PC: variants seen among roughly 807,000 people sequenced by gnomAD.
PC encodes pyruvate carboxylase.
Under a neutral mutation model 107.8 loss-of-function variants are expected in PC, and 46 were observed. That is an observed-to-expected ratio of 0.43 (90% CI 0.34 to 0.55). PC has a LOEUF of 0.55. PC is among the 20% of genes least tolerant of loss of function. The pLI, the probability that PC is intolerant of heterozygous loss-of-function variation, is 0.04. For synonymous variants in PC, 662 were observed against 684.7 expected, an observed-to-expected ratio of 0.97 and a Z score of 0.52; for missense variants, 1,241 against 1,643.1, an observed-to-expected ratio of 0.76 and a Z score of 4.23.
chr11:66,883,095 C>T (rs1200186567), intron 3 of PC, among the ~76,000 whole-genome samples: 2 of 152,192 alleles, frequency 1.3e-5, no homozygotes, highest in African/African-American at 2.4e-5. Flanking sequence ...ACTGCGGCGA[C>T]GAACAGCAGT....
At chr11:66,915,847 A>C (rs1366699018) in intron 3 of PC, among the ~76,000 whole-genome samples, 1 of 152,156 alleles carries the variant, frequency 6.6e-6, no homozygotes, top group Non-Finnish European at 1.5e-5. Context: ...GAGGCCCCAG[A>C]TTTGGTTCTG....
intron 12 of PC, among the ~76,000 whole-genome samples, chr11:66,855,275 A>C (rs1412249106): frequency 6.6e-5 from 10 of 152,228 alleles, no homozygotes; most frequent in Admixed American, 6.5e-4. Flanking sequence ...GGCTCCCAGC[A>C]CTGGGTGGCC....
At chr11:66,926,984 C>T (rs1948732272) in intron 3 of PC, among the ~76,000 whole-genome samples, 1 of 150,596 alleles carries the variant, frequency 6.6e-6, no homozygotes. Flanking sequence ...TTGTTTCCAC[C>T]TTTTGGCTCT....
chr11:66,935,026 TTCCCTC>T (rs1449998795), intron 3 of PC, among the ~76,000 whole-genome samples: 1 of 152,178 alleles, frequency 6.6e-6, no homozygotes, highest in Non-Finnish European at 1.5e-5. Flanking sequence ...AGCACGTGCA[TTCCCTC>T]TCTCCCAACC....
chr11:66,892,721 C>G (rs1947621545), intron 3 of PC, among the ~76,000 whole-genome samples: 1 of 152,008 alleles, frequency 6.6e-6, no homozygotes, highest in African/African-American at 2.4e-5. Context: ...GTGGCGGGCG[C>G]CTATAATCCC....
intron 3 of PC, among the ~76,000 whole-genome samples, chr11:66,877,354 C>T (rs535379329): frequency 3.3e-5 from 5 of 152,226 alleles, no homozygotes; most frequent in Non-Finnish European, 7.4e-5. Flanking sequence ...CCATTGCATT[C>T]CAGCCTGGGT....
intron 12 of PC, among the ~76,000 whole-genome samples, chr11:66,859,309 T>C (rs533195462): frequency 6.6e-6 from 1 of 152,196 alleles, no homozygotes; most frequent in South Asian, 2.1e-4. Flanking sequence ...CACCCCGAGA[T>C]GTCCCAGGTG....
chr11:66,868,120 G>A (rs932328017), intron 10 of PC, among the ~76,000 whole-genome samples: 2 of 152,242 alleles, frequency 1.3e-5, no homozygotes, highest in Admixed American at 6.5e-5. Flanking sequence ...GGGCTGTTCC[G>A]AGGGATGCTA....
At position 66,858,122 on chromosome 11, in the gene PC, C is replaced by T. The variant is rs539277004; in HGVS notation, c.1369-4739G>A. On this transcript the variant is annotated intron_variant, in intron 12 of 22. Coordinates refer to ENST00000393960, the MANE Select transcript of PC (RefSeq NM_001040716.2). The surrounding 1 kb of genome is among the most constrained non-coding windows in gnomAD (Gnocchi z 5.9). ...GCCCCGTCAATCTGCAGCACCTCAT[C>T]CTCAGCGGCAACCAGCTGGGCCGCA... The T allele has an allele frequency of 1.8e-5, 29 of 1,610,766 alleles. No individual in the cohort carries two copies. The South Asian group carries it at 2.9e-4, about 16-fold the overall frequency.
intron 3 of PC, among the ~76,000 whole-genome samples, chr11:66,947,613 C>A (rs1463304706): frequency 1.3e-5 from 2 of 151,298 alleles, no homozygotes; most frequent in Non-Finnish European, 2.9e-5. Flanking sequence ...GTAACCCCAG[C>A]ACTTTGGGAG....
chr11:66,927,923 T>C (rs1948758243), intron 3 of PC, among the ~76,000 whole-genome samples: 1 of 152,078 alleles, frequency 6.6e-6, no homozygotes, highest in African/African-American at 2.4e-5. Flanking sequence ...GAAATTTACA[T>C]GAAGAGACAG....
chr11:66,877,568 C>T (rs1947029318), intron 3 of PC, among the ~76,000 whole-genome samples: 1 of 152,296 alleles, frequency 6.6e-6, no homozygotes, highest in East Asian at 1.9e-4. Context: ...GCGGGTTATG[C>T]CCCTGAGCCC....
At chr11:66,913,199 C>G (rs777047395) in intron 3 of PC, among the ~76,000 whole-genome samples, 1 of 151,960 alleles carries the variant, frequency 6.6e-6, no homozygotes, top group Non-Finnish European at 1.5e-5. Context: ...GGCCCTTATG[C>G]TCTTTTCTGG....
At chr11:66,933,399 C>A (rs1948912938) in intron 3 of PC, among the ~76,000 whole-genome samples, 1 of 152,172 alleles carries the variant, frequency 6.6e-6, no homozygotes, top group Non-Finnish European at 1.5e-5. Flanking sequence ...TTGCTCTGGT[C>A]TCAAGCTATC....
chr11:66,885,742 C>A (rs988103276), intron 3 of PC, among the ~76,000 whole-genome samples: 1 of 143,926 alleles, frequency 6.9e-6, no homozygotes. Context: ...CAGGCAGGAC[C>A]CTCCCAGAGC....
Position 66,849,296 on chromosome 11 carries a change from C to T in PC, c.3222G>A (p.Arg1074=). 6.2e-7 allele frequency: 1 copy of T among 1,613,694 alleles called. No homozygotes were observed. The highest frequency in any genetic ancestry group is 1.1e-5 in the South Asian group (1 of 91,088). The change falls in exon 22 of 23, where the codon AGG becomes AGA. Residue 1074 remains arginine, a synonymous_variant. Transcript: ENST00000393960. Reference sequence around the variant, plus strand: ...GCCCATTGAGCTCAAAGAAGACCTGCCTCTGGCCGGCCCGGTTCAGGTCGC... The same window carrying T: ...GCCCATTGAGCTCAAAGAAGACCTGTCTCTGGCCGGCCCGGTTCAGGTCGC... The part of the protein sequence containing the change: ...AVSDLNRAGQ[R]QVFFELNGQL...
chr11:66,872,698 G>C (rs896660335), intron 3 of PC, among the ~76,000 whole-genome samples: 9 of 151,970 alleles, frequency 5.9e-5, no homozygotes, highest in Non-Finnish European at 1.0e-4. Flanking sequence ...TCGTGCCACT[G>C]TACTCCAGCC....
intron 3 of PC, among the ~76,000 whole-genome samples, chr11:66,937,131 A>G (rs1430052471): frequency 1.3e-5 from 2 of 152,192 alleles, no homozygotes; most frequent in East Asian, 3.8e-4. Context: ...GGTGTAAGCC[A>G]CTGTGCCCGG....
At chr11:66,954,024 C>A (rs1448590480) in intron 2 of PC, among the ~76,000 whole-genome samples, 1 of 152,174 alleles carries the variant, frequency 6.6e-6, no homozygotes, top group Non-Finnish European at 1.5e-5. Context: ...CATTACTTAT[C>A]ATCATCGTTA....
Sources: allele counts gnomAD v4.1 joint callset (sites outside exome capture counted in the v4.1 genomes callset), GRCh38; gene constraint gnomAD v4.1.1; non-coding constraint Gnocchi (gnomAD v3.1); transcripts MANE v1.5; gene names NCBI Gene and HGNC (gene_info 2026-07-23, HGNC 2026-07-21).